Variants in ROBO2 observed in about 807,000 individuals in gnomAD.
The protein encoded by ROBO2 is roundabout homolog 2.
A neutral mutation model predicts 160.8 loss-of-function variants in ROBO2; 53 were observed. The observed-to-expected ratio is 0.33, with a 90% CI of 0.26 to 0.41. The LOEUF is 0.41. Among genes scored for constraint, ROBO2 ranks in the 10% least tolerant of loss-of-function variants. The pLI, the probability that ROBO2 is intolerant of heterozygous loss-of-function variation, is 1.00. For synonymous variants in ROBO2, 664 were observed against 611.7 expected (o/e 1.09, Z -1.26); for missense variants, 1,577 against 1,722.4 (o/e 0.92, Z 1.49).
intron 2 of ROBO2, among the ~76,000 whole-genome samples, chr3:76,064,131 A>C (rs1341137883): frequency 6.6e-6 from 1 of 152,206 alleles, no homozygotes; most frequent in East Asian, 1.9e-4. Context: ...TGAGAATTGC[A>C]GACTGGTCGA....
chr3:76,141,159 CTATATATA>C (rs55778369), intron 2 of ROBO2, among the ~76,000 whole-genome samples: 11 of 9,172 alleles, frequency 1.2e-3, no homozygotes, highest in African/African-American at 3.9e-3. Flanking sequence ...CTCTCTCTCT[CTATATATA>C]TATATATATA....
chr3:76,038,668 A>G (rs891916719), intron 2 of ROBO2, among the ~76,000 whole-genome samples: 1 of 151,804 alleles, frequency 6.6e-6, no homozygotes, highest in African/African-American at 2.4e-5. Flanking sequence ...TTTCCTAGCT[A>G]TTGATCCCAA....
chr3:76,205,918 G>A (rs1702779859), intron 2 of ROBO2, among the ~76,000 whole-genome samples: 1 of 152,136 alleles, frequency 6.6e-6, no homozygotes, highest in Non-Finnish European at 1.5e-5. Flanking sequence ...TCTAGCCATG[G>A]GCTGGGACTC....
At chr3:76,392,139 A>G (rs1327815240) in intron 2 of ROBO2, among the ~76,000 whole-genome samples, 1 of 152,186 alleles carries the variant, frequency 6.6e-6, no homozygotes, top group Non-Finnish European at 1.5e-5. Context: ...ATTTATGCCT[A>G]ATTATGAAGA....
chr3:76,876,664 G>A (rs1384205679), intron 2 of ROBO2, among the ~76,000 whole-genome samples: 1 of 151,126 alleles, frequency 6.6e-6, no homozygotes, highest in Admixed American at 6.6e-5. Flanking sequence ...GACAGAATGA[G>A]ACTCTGTCTC....
intron 2 of ROBO2, among the ~76,000 whole-genome samples, chr3:76,203,292 G>T (rs991064833): frequency 6.6e-6 from 1 of 152,158 alleles, no homozygotes; most frequent in Non-Finnish European, 1.5e-5. Flanking sequence ...GAATGAAAGC[G>T]AAGCCAAGGT....
At chr3:76,123,635 A>G (rs1050352653) in intron 2 of ROBO2, among the ~76,000 whole-genome samples, 5 of 152,078 alleles carry the variant, frequency 3.3e-5, no homozygotes, top group African/African-American at 9.7e-5. Flanking sequence ...TCCTGTCACT[A>G]GTTAGTATAT....
intron 2 of ROBO2, among the ~76,000 whole-genome samples, chr3:76,801,734 C>T (rs1321994707): frequency 2.0e-5 from 3 of 152,266 alleles, no homozygotes; most frequent in Admixed American, 1.3e-4. Context: ...TTTCCCTTTG[C>T]ATTCACAACT....
intron 5 of ROBO2, among the ~76,000 whole-genome samples, chr3:77,496,494 TCAA>T (rs767718935): frequency 2.0e-5 from 3 of 152,182 alleles, no homozygotes; most frequent in Non-Finnish European, 4.4e-5. Context: ...GTAGACTAAA[TCAA>T]CAACATTGAT....
intron 2 of ROBO2, among the ~76,000 whole-genome samples, chr3:77,237,411 T>TTGTGTGTGTGTGTGTG (rs71104662): frequency 0.074 from 9,711 of 130,872 alleles, 546 homozygotes; most frequent in Non-Finnish European, 0.1. Context: ...TTGTTTTGTT[T>TTGTGTGTGTGTGTGTG]TGTGTGTGTG....
intron 2 of ROBO2, among the ~76,000 whole-genome samples, chr3:76,336,657 C>T (rs751412289): frequency 9.2e-5 from 14 of 152,108 alleles, no homozygotes; most frequent in Middle Eastern, 3.2e-3. Context: ...CAAAGAATGA[C>T]GTAACATTTA....
intron 2 of ROBO2, among the ~76,000 whole-genome samples, chr3:76,762,412 G>A (rs7430663): frequency 0.84 from 126,326 of 150,462 alleles, 53,085 homozygotes; most frequent in Admixed American, 0.86. Context: ...TTCTTTAATT[G>A]CTTTTGTTCT....
chr3:77,273,304 G>A (rs572008920), intron 2 of ROBO2, among the ~76,000 whole-genome samples: 1 of 152,274 alleles, frequency 6.6e-6, no homozygotes, highest in African/African-American at 2.4e-5. Context: ...TAAGCAAATT[G>A]AGGCAGGAAC....
intron 2 of ROBO2, among the ~76,000 whole-genome samples, chr3:76,827,486 A>T (rs1396055416): frequency 1.3e-5 from 2 of 152,168 alleles, no homozygotes; most frequent in African/African-American, 4.8e-5. Context: ...GCTTTATTAA[A>T]TATTTGAGAC....
At chr3:77,018,758 C>CA (rs1412220136) in intron 2 of ROBO2, among the ~76,000 whole-genome samples, 9 of 152,010 alleles carry the variant, frequency 5.9e-5, no homozygotes, top group Admixed American at 3.3e-4. Flanking sequence ...AAGCCAGTCA[C>CA]AAAAAAGACA....
chr3:76,591,984 T>G (rs568818828), intron 2 of ROBO2, among the ~76,000 whole-genome samples: 4 of 152,174 alleles, frequency 2.6e-5, no homozygotes, highest in Non-Finnish European at 4.4e-5. Context: ...ATTTTTCACT[T>G]ATACATGGAG....
chr3:75,963,446 C>A (rs1023064442), intron 2 of ROBO2, among the ~76,000 whole-genome samples: 1 of 151,832 alleles, frequency 6.6e-6, no homozygotes, highest in Non-Finnish European at 1.5e-5. Context: ...ATCCTCCCAC[C>A]TTTGCCTCCC....
chr3:76,821,998 GT>G (rs1322334429), intron 2 of ROBO2, among the ~76,000 whole-genome samples: 2 of 151,906 alleles, frequency 1.3e-5, no homozygotes, highest in Non-Finnish European at 2.9e-5. Context: ...CCAGTTTTAT[GT>G]TTCCAAATTA....
intron 2 of ROBO2, among the ~76,000 whole-genome samples, chr3:77,474,122 C>T (rs1312297739): frequency 6.6e-6 from 1 of 152,144 alleles, no homozygotes; most frequent in Non-Finnish European, 1.5e-5. Context: ...CCTGGGCAAA[C>T]TTTCGTCAAA....
Sources: allele counts gnomAD v4.1 joint callset (sites outside exome capture counted in the v4.1 genomes callset), GRCh38; gene constraint gnomAD v4.1.1; transcripts MANE v1.5; gene names NCBI Gene and HGNC (gene_info 2026-07-23, HGNC 2026-07-21).